Variants in WHRN observed in about 807,000 individuals in gnomAD.
The protein encoded by WHRN is CASK-interacting protein CIP98.
A neutral mutation model predicts 68.3 loss-of-function variants in WHRN; 41 were observed. The ratio of observed to expected loss-of-function variants is 0.60; its 90% CI spans 0.47 to 0.78. The LOEUF (loss-of-function observed/expected upper bound fraction) is 0.78, where lower values mean the gene tolerates loss of function less well. WHRN is among the 30% of genes least tolerant of loss of function. The pLI is 0.00. For missense variants in WHRN, 1,243 were observed against 1,244.7 expected, an observed-to-expected ratio of 1.00 and a Z score of 0.02; for synonymous variants, 560 against 561.3, an observed-to-expected ratio of 1.00 and a Z score of 0.03.
chr9:114,418,613 C>T (rs1836002187), intron 7 of WHRN, among the ~76,000 whole-genome samples: 1 of 152,228 alleles, frequency 6.6e-6, no homozygotes, highest in African/African-American at 2.4e-5. Flanking sequence ...CATGTCTGCC[C>T]CCGTACTCCC....
rs367939235 is a variant in WHRN at position 114,504,504 on chromosome 9, G to A, written c.298C>T (p.Arg100Cys). ...LLPMLRLVIP[R>C]SDQLLFDQYT... Reference sequence around the variant, plus strand: ...TGGTCGAAGAGCAGCTGGTCGGAGCGCGGGATGACCAGACGAAGCATGGGC... The same window carrying A: ...TGGTCGAAGAGCAGCTGGTCGGAGCACGGGATGACCAGACGAAGCATGGGC... Residue 100 changes from arginine to cysteine, a missense_variant, in exon 1 of 12, where the codon CGC becomes TGC. Physicochemically the swap from Arg to Cys is radical, Grantham distance 180 (BLOSUM62 -3). Coordinates refer to ENST00000362057, the MANE Select transcript of WHRN (RefSeq NM_015404.4). The A allele has an allele frequency of 6.2e-7, 1 of 1,609,302 alleles. No individual in the cohort carries two copies. Among genetic ancestry groups the A allele is most frequent in the African/African-American group, 1.3e-5 (1 of 75,058 alleles).
intron 7 of WHRN, among the ~76,000 whole-genome samples, chr9:114,418,080 C>G (rs556746883): frequency 4.6e-5 from 7 of 152,154 alleles, no homozygotes; most frequent in Non-Finnish European, 7.3e-5. Context: ...AGGGCTTCCA[C>G]GTGGAGGAGG....
chr9:114,408,927 G>C lies in WHRN; in HGVS notation c.1627-909C>G, dbSNP rs34004559. On this transcript the variant is annotated intron_variant, in intron 7 of 11. Coordinates refer to ENST00000362057, the MANE Select transcript of WHRN (RefSeq NM_015404.4). ...AAAGGCAGAGGAAGGGCAAATTTGC[G>C]CGCTCTTCTAGAGCTGAGACATCCA... Among the ~76,000 whole-genome samples the C allele has an allele frequency of 1.8e-4, 28 of 152,178 alleles. No homozygotes were observed. The East Asian group carries it at 4.6e-3, about 25-fold the overall frequency.
rs960792879 is a variant in WHRN, at chr9:114,409,422, G to A, written c.1627-1404C>T. 8.2e-4 allele frequency among the ~76,000 whole-genome samples: 125 copies of A among 152,192 alleles called. 1 individual carries two copies. Among genetic ancestry groups the A allele is most frequent in the African/African-American group, 3.0e-3 (123 of 41,448 alleles). On this transcript the variant is annotated intron_variant, in intron 7 of 11. Coordinates refer to ENST00000362057, the MANE Select transcript of WHRN (RefSeq NM_015404.4). ...AGGACGGGGCACAACTCAAAGCTAG[G>A]TCTTATGAGTGAGCAGAGCAAAGAA...
rs876657774 is a variant in WHRN, at chr9:114,466,287, C to G, written c.943G>C (p.Ala315Pro). 6.2e-7 allele frequency: 1 copy of G among 1,614,086 alleles called. No individual in the cohort carries two copies. The highest frequency in any genetic ancestry group is 1.3e-5 in the African/African-American group (1 of 75,064). ...CTCACCTTGAGCCCGCTGCCTTCTG[C>G]TTCAGAGCCTGGGTCCACGCCAGTG... is the stretch of plus-strand genomic sequence containing the variant. ...YITGVDPGSE[A>P]EGSGLKVGDQ... Residue 315 changes from alanine (A) to proline (P), a missense_variant, in exon 3 of 12, where the codon GCA becomes CCA. By Grantham distance (27) the Ala-to-Pro change is conservative. Transcript: ENST00000362057.
intron 2 of WHRN, among the ~76,000 whole-genome samples, chr9:114,469,498 A>C (rs1841011278): frequency 6.6e-6 from 1 of 152,194 alleles, no homozygotes; most frequent in Non-Finnish European, 1.5e-5. Context: ...CCCTAGGCCA[A>C]GGGAGCACCT....
Position 114,504,718 on chromosome 9 carries a change from CCCG to C in WHRN, c.81_83del (p.Gly29del), listed in dbSNP as rs757435431. On this transcript the variant is annotated inframe_deletion, in exon 1 of 12. Coordinates refer to ENST00000362057, the MANE Select transcript of WHRN (RefSeq NM_015404.4). ...CAGACAGTAACCGCAGCCCCGCGCC[CCCG>C]CCGCCGCCCGCCCCGGCCGCCGAGC... 4.1e-5 allele frequency: 62 copies of C among 1,511,078 alleles called. 1 individual carries two copies. In the African/African-American group the frequency reaches 6.3e-4, roughly 15 times the overall value. The allele number at this position is 1,511,078 out of a possible 1,614,324, so 93.6% of individuals were successfully genotyped here.
chr9:114,500,346 G>C lies in WHRN; in HGVS notation c.618+3838C>G, dbSNP rs1045577232. 2.0e-5 allele frequency among the ~76,000 whole-genome samples: 3 copies of C among 152,290 alleles called. No individual in the cohort carries two copies. The South Asian group carries it at 6.2e-4, about 32-fold the overall frequency. On this transcript the variant is annotated intron_variant, in intron 1 of 11. Coordinates refer to ENST00000362057, the MANE Select transcript of WHRN (RefSeq NM_015404.4). ...ACATTTCAGACATAAAGTTGGAAGA[G>C]GTAATAATTTGCAATGGCTTCAGCT...
intron 3 of WHRN, among the ~76,000 whole-genome samples, chr9:114,445,201 T>C (rs1348250555): frequency 6.6e-6 from 1 of 151,940 alleles, no homozygotes; most frequent in African/African-American, 2.4e-5. Context: ...ACCACCATGC[T>C]CAGCTAATTT....
intron 3 of WHRN, among the ~76,000 whole-genome samples, chr9:114,451,699 CAAAG>C (rs903397484): frequency 1.3e-5 from 2 of 151,948 alleles, no homozygotes; most frequent in African/African-American, 4.8e-5. Flanking sequence ...AACCACTTCA[CAAAG>C]AGAGGACCCA....
intron 3 of WHRN, among the ~76,000 whole-genome samples, chr9:114,443,511 T>A (rs1442456666): frequency 1.3e-5 from 2 of 152,142 alleles, no homozygotes; most frequent in Non-Finnish European, 2.9e-5. Flanking sequence ...CCTCTCTGGT[T>A]CCCTCCTTCT....
At chr9:114,491,272 TTTAATTCAAGC>T (rs1157013378) in intron 1 of WHRN, among the ~76,000 whole-genome samples, 1 of 152,244 alleles carries the variant, frequency 6.6e-6, no homozygotes, top group East Asian at 1.9e-4. Context: ...GGGCTTCCAA[TTTAATTCAAGC>T]TCAGATGAAA....
rs1299066746 is a variant in WHRN, at chr9:114,402,439, C to T, written c.*315G>A. Reference sequence around the variant, plus strand: ...TGGGTCCTAGCTGGAGGGGGGACAGCAGTGCCCCCAACCCAACCTGGAGAA... The same window carrying T: ...TGGGTCCTAGCTGGAGGGGGGACAGTAGTGCCCCCAACCCAACCTGGAGAA... On this transcript the variant is annotated 3_prime_UTR_variant, in exon 12 of 12. Transcript: ENST00000362057. 4.8e-6 allele frequency: 2 copies of T among 419,270 alleles called. No homozygotes were observed. Among genetic ancestry groups the T allele is most frequent in the Non-Finnish European group, 9.0e-6 (2 of 223,276 alleles). The allele number at this position is 419,270 out of a possible 1,614,324, so 26.0% of individuals were successfully genotyped here.
At chr9:114,489,135 T>C (rs1286182267) in intron 1 of WHRN, among the ~76,000 whole-genome samples, 3 of 152,166 alleles carry the variant, frequency 2.0e-5, no homozygotes, top group Admixed American at 2.0e-4. Context: ...ACATACTTAC[T>C]TATGCAAATG....
chr9:114,405,854 GC>G (rs1277793487), intron 9 of WHRN, among the ~76,000 whole-genome samples: 1 of 152,206 alleles, frequency 6.6e-6, no homozygotes, highest in Non-Finnish European at 1.5e-5. Flanking sequence ...CTACCCCACA[GC>G]CCATGTCCTC....
At chr9:114,472,574 T>G (rs1311866644) in intron 2 of WHRN, among the ~76,000 whole-genome samples, 1 of 152,194 alleles carries the variant, frequency 6.6e-6, no homozygotes, top group African/African-American at 2.4e-5. Flanking sequence ...TCCCTCATTT[T>G]ACAATAGACT....
chr9:114,405,970 C>A (rs1297377644), intron 9 of WHRN, among the ~76,000 whole-genome samples: 1 of 152,248 alleles, frequency 6.6e-6, no homozygotes, highest in African/African-American at 2.4e-5. Context: ...TTTCCAGCAT[C>A]TACTCCAGGC....
At chr9:114,450,948 T>C (rs1839275834) in intron 3 of WHRN, among the ~76,000 whole-genome samples, 1 of 152,208 alleles carries the variant, frequency 6.6e-6, no homozygotes, top group Non-Finnish European at 1.5e-5. Flanking sequence ...CATTGAATCA[T>C]CTGGGCCACG....
chr9:114,498,721 T>C (rs754220858), intron 1 of WHRN, among the ~76,000 whole-genome samples: 1 of 152,164 alleles, frequency 6.6e-6, no homozygotes, highest in Non-Finnish European at 1.5e-5. Context: ...CTGGCTGGCA[T>C]TGTCTTCCAG....
Sources: gnomAD v4.1 joint callset for allele counts (sites outside exome capture counted in the v4.1 genomes callset) on GRCh38, gnomAD v4.1.1 for gene constraint, MANE v1.5 for transcripts, NCBI Gene and HGNC (gene_info 2026-07-23, HGNC 2026-07-21) for gene names.